NKIRAS1: variants seen among roughly 807,000 people sequenced by gnomAD.
NKIRAS1 encodes the protein NFKB inhibitor interacting Ras like 1, also known as NF-kappa-B inhibitor-interacting Ras-like protein 1.
NKIRAS1 carries 16 observed loss-of-function variants against 19.8 expected under a neutral mutation model. The ratio of observed to expected loss-of-function variants is 0.81; its 90% confidence interval spans 0.55 to 1.23. The LOEUF (loss-of-function observed/expected upper bound fraction) is 1.23. Among genes scored for constraint, NKIRAS1 ranks in the 50% most tolerant of loss-of-function variants. The probability of loss-of-function intolerance (pLI) is 0.00; values close to 1 mark genes in which losing one functional copy is unlikely to be tolerated. For missense variants in NKIRAS1, 184 were observed against 220.0 expected (o/e 0.84, Z 1.04); for synonymous variants, 88 against 79.0 (o/e 1.11, Z -0.61).
intron 1 of NKIRAS1, among the ~76,000 whole-genome samples, chr3:23,914,162 A>T (rs1053292041): frequency 3.0e-5 from 3 of 100,068 alleles, no homozygotes; most frequent in African/African-American, 1.5e-4. Flanking sequence ...CCTCTCTCCA[A>T]CTTGAGGCTA....
At chr3:23,942,581 G>C (rs1705521733) in intron 1 of NKIRAS1, among the ~76,000 whole-genome samples, 1 of 152,070 alleles carries the variant, frequency 6.6e-6, no homozygotes, top group African/African-American at 2.4e-5. Context: ...ACAGGCATGT[G>C]CCACCATGCC....
upstream of NKIRAS1, chr3:23,921,944 AG>A (rs1705102086): frequency 3.8e-6 from 1 of 260,038 alleles, no homozygotes; most frequent in South Asian, 9.7e-5. Context: ...ACTGGCCTCA[AG>A]CAATCCTGCC....
chr3:23,897,690 T>G (rs1468899825), intron 4 of NKIRAS1, among the ~76,000 whole-genome samples: 1 of 152,176 alleles, frequency 6.6e-6, no homozygotes, highest in African/African-American at 2.4e-5. Flanking sequence ...AGACATCAGC[T>G]TTGTTCCCTC....
At chr3:23,898,460 C>T (rs1252305721) in intron 4 of NKIRAS1, among the ~76,000 whole-genome samples, 7 of 148,362 alleles carry the variant, frequency 4.7e-5, no homozygotes, top group African/African-American at 1.2e-4. Context: ...TTTTTTTTTC[C>T]GAGACAGAGT....
chr3:23,934,822 C>G (rs951061631), intron 1 of NKIRAS1, among the ~76,000 whole-genome samples: 1 of 121,088 alleles, frequency 8.3e-6, no homozygotes, highest in African/African-American at 3.1e-5. Flanking sequence ...AGCATCCATT[C>G]TTGCTCTCTT....
intron 1 of NKIRAS1, among the ~76,000 whole-genome samples, chr3:23,938,209 C>CTTTTTTTTT (rs11418287): frequency 2.2e-5 from 3 of 137,656 alleles, no homozygotes; most frequent in African/African-American, 2.7e-5. Flanking sequence ...AGTACAGTAC[C>CTTTTTTTTT]TTTTTTTTTT....
At chr3:23,937,410 A>AT in intron 1 of NKIRAS1, among the ~76,000 whole-genome samples, 1 of 152,326 alleles carries the variant, frequency 6.6e-6, no homozygotes, top group South Asian at 2.1e-4. Flanking sequence ...TCATGCTAGG[A>AT]GAGATTGCAC....
chr3:23,894,620 ATCCTCCACCTCTGCG>A (rs1022404586), intron 4 of NKIRAS1, among the ~76,000 whole-genome samples: 3 of 152,016 alleles, frequency 2.0e-5, no homozygotes, highest in Non-Finnish European at 2.9e-5. Context: ...CCCCCACTGC[ATCCTCCACCTCTGCG>A]TCCTCCACCT....
intron 3 of NKIRAS1, among the ~76,000 whole-genome samples, chr3:23,903,515 T>C (rs1414312323): frequency 6.6e-6 from 1 of 151,386 alleles, no homozygotes; most frequent in African/African-American, 2.4e-5. Context: ...AAACCAACTA[T>C]ACAAAGAAAA....
At position 23,915,459 on chromosome 3, in the gene NKIRAS1, T is replaced by C. The variant is rs568251061; in HGVS notation, c.-140+1325A>G. The stretch of plus-strand genomic sequence containing the variant: ...AAATTTGTATTATTAACCAACAAAG[T>C]TGCTGAAATTTGTTACAGGAGCAAT... On this transcript the variant is annotated intron_variant, in intron 1 of 4. Transcript: ENST00000425478. 4.6e-5 allele frequency among the ~76,000 whole-genome samples: 7 copies of C among 152,356 alleles called. No individual in the cohort carries two copies. In the South Asian group the frequency reaches 1.4e-3, roughly 32 times the overall value.
At chr3:23,902,541 C>A (rs1399193160) in intron 3 of NKIRAS1, among the ~76,000 whole-genome samples, 4 of 152,208 alleles carry the variant, frequency 2.6e-5, no homozygotes, top group African/African-American at 9.6e-5. Flanking sequence ...AATTTAAAAG[C>A]AAAAACTACC....
At chr3:23,934,333 C>T (rs550520238) in intron 1 of NKIRAS1, among the ~76,000 whole-genome samples, 54 of 152,268 alleles carry the variant, frequency 3.5e-4, no homozygotes, top group African/African-American at 1.3e-3. Context: ...ATAATTGTAT[C>T]CTTATGCTCT....
At chr3:23,917,910 T>A (rs1174631160), upstream of NKIRAS1, 1 of 1,613,642 alleles carries the variant, frequency 6.2e-7, no homozygotes, top group Non-Finnish European at 8.5e-7. Flanking sequence ...AGCAGTCTGA[T>A]GTCATGCGCT....
chr3:23,925,125 G>C (rs1344530289), intron 1 of NKIRAS1, among the ~76,000 whole-genome samples: 1 of 152,162 alleles, frequency 6.6e-6, no homozygotes, highest in Non-Finnish European at 1.5e-5. Context: ...GTGCTTGGAA[G>C]GAGAGAGAGA....
intron 1 of NKIRAS1, chr3:23,923,707 A>T (rs1705156312): frequency 6.6e-6 from 1 of 152,244 alleles, no homozygotes; most frequent in Non-Finnish European, 1.5e-5. Flanking sequence ...TGGCAGAGTT[A>T]AAAATTGTAT....
intron 1 of NKIRAS1, among the ~76,000 whole-genome samples, chr3:23,940,253 G>T (rs1370134217): frequency 1.3e-5 from 2 of 151,738 alleles, no homozygotes; most frequent in Non-Finnish European, 2.9e-5. Flanking sequence ...AGGCTGAGGT[G>T]GGAGCATCTC....
chr3:23,942,650 C>T (rs1282537716), intron 1 of NKIRAS1, among the ~76,000 whole-genome samples: 3 of 152,046 alleles, frequency 2.0e-5, no homozygotes, highest in African/African-American at 7.2e-5. Context: ...AGTCTGGTGT[C>T]AAACTCCTGA....
chr3:23,896,844 G>T (rs1213719105), intron 4 of NKIRAS1, among the ~76,000 whole-genome samples: 2 of 151,698 alleles, frequency 1.3e-5, no homozygotes, highest in African/African-American at 4.8e-5. Context: ...TACTGATATG[G>T]AAACAACTCC....
At chr3:23,935,379 C>CAAAA (rs11373255) in intron 1 of NKIRAS1, among the ~76,000 whole-genome samples, 2 of 148,950 alleles carry the variant, frequency 1.3e-5, no homozygotes, top group African/African-American at 2.5e-5. Context: ...TCTGATTAGA[C>CAAAA]AAAAAAAAAA....
Sources: allele counts gnomAD v4.1 joint callset (sites outside exome capture counted in the v4.1 genomes callset), GRCh38; gene constraint gnomAD v4.1.1; transcripts MANE v1.5; gene names NCBI Gene and HGNC (gene_info 2026-07-23, HGNC 2026-07-21).